The following PARN variants were observed in gnomAD, a reference collection of about 807,000 sequenced individuals.
PARN encodes the protein poly(A)-specific ribonuclease.
PARN carries 71 observed loss-of-function variants against 102.8 expected under a neutral mutation model. That is an observed-to-expected ratio of 0.69 (90% CI 0.57 to 0.84). PARN has a LOEUF of 0.84. PARN is among the 40% of genes least tolerant of loss of function. The probability of loss-of-function intolerance (pLI) is 0.00; values close to 1 mark genes in which losing one functional copy is unlikely to be tolerated. For synonymous variants in PARN, 261 were observed against 252.9 expected, an observed-to-expected ratio of 1.03 and a Z score of -0.30; for missense variants, 782 against 760.9, an observed-to-expected ratio of 1.03 and a Z score of -0.33.
At chr16:14,542,315 T>C (rs921291304) in intron 21 of PARN, among the ~76,000 whole-genome samples, 10 of 151,800 alleles carry the variant, frequency 6.6e-5, no homozygotes, top group South Asian at 2.1e-4. Flanking sequence ...CTTTTTTTTT[T>C]TTCTTCTTTT....
At chr16:14,543,901 A>G (rs1966856435) in intron 21 of PARN, among the ~76,000 whole-genome samples, 2 of 152,218 alleles carry the variant, frequency 1.3e-5, no homozygotes, top group Admixed American at 6.5e-5. Flanking sequence ...AAGAAATAAA[A>G]AAGCAAAACC....
At chr16:14,552,198 A>T in intron 20 of PARN, 103 bp from the exon 21 acceptor site, 1 of 711,104 alleles carries the variant, frequency 1.4e-6, no homozygotes, top group Admixed American at 2.4e-5. Context: ...ATCTTTAAAG[A>T]GAGAGAAGGT....
intron 22 of PARN, among the ~76,000 whole-genome samples, chr16:14,466,084 A>C (rs541454792): frequency 6.6e-6 from 1 of 152,344 alleles, no homozygotes; most frequent in East Asian, 1.9e-4. Flanking sequence ...TCTGTACAAC[A>C]AACTTCTGTG....
chr16:14,547,953 C>A (rs1351664610), intron 21 of PARN, among the ~76,000 whole-genome samples: 1 of 151,850 alleles, frequency 6.6e-6, no homozygotes, highest in Non-Finnish European at 1.5e-5. Flanking sequence ...TTTAAGATAA[C>A]ATTAATAGGG....
chr16:14,615,477 T>C (rs992531632), intron 6 of PARN, among the ~76,000 whole-genome samples: 13 of 152,142 alleles, frequency 8.5e-5, no homozygotes, highest in Admixed American at 6.6e-4. Context: ...TTCTTTATAA[T>C]ACCCAAACTG....
At chr16:14,561,338 G>T (rs1305156202) in intron 18 of PARN, among the ~76,000 whole-genome samples, 4 of 152,102 alleles carry the variant, frequency 2.6e-5, no homozygotes, top group African/African-American at 9.7e-5. Flanking sequence ...ACTTGTTAGA[G>T]ATGCAAATTC....
At chr16:14,512,057 T>C (rs1475063004) in intron 21 of PARN, among the ~76,000 whole-genome samples, 1 of 152,182 alleles carries the variant, frequency 6.6e-6, no homozygotes, top group Non-Finnish European at 1.5e-5. Context: ...AATAAAGTGA[T>C]TTTTTTCCTT....
In PARN at chr16:14,436,499, C is replaced by A. The variant is rs1432667774; in HGVS notation, c.*218G>T. ...GTACACATTCATGACAGCCTACAAC[C>A]GTGATGAGTGTCAATGTCAACAGGC... On this transcript the variant is annotated 3_prime_UTR_variant, in exon 24 of 24. Transcript: ENST00000437198. 3.4e-6 allele frequency: 2 copies of A among 594,812 alleles called. No individual in the cohort carries two copies. The highest frequency in any genetic ancestry group is 1.9e-5 in the African/African-American group (1 of 53,726). The allele number at this position is 594,812 out of a possible 1,614,324, so 36.8% of individuals were successfully genotyped here.
chr16:14,463,838 T>TGG (rs145797278), intron 22 of PARN, among the ~76,000 whole-genome samples: 158 of 95,046 alleles, frequency 1.7e-3, no homozygotes, highest in Non-Finnish European at 2.8e-3. Flanking sequence ...CTTTTTTTTT[T>TGG]GGGGGGGGGG....
At chr16:14,516,306 A>C (rs1198560613) in intron 21 of PARN, among the ~76,000 whole-genome samples, 1 of 152,196 alleles carries the variant, frequency 6.6e-6, no homozygotes, top group Non-Finnish European at 1.5e-5. Context: ...AAGCAAGGGA[A>C]CAGAACAACG....
chr16:14,621,594 G>A (rs1032451522), intron 5 of PARN, among the ~76,000 whole-genome samples: 9 of 151,652 alleles, frequency 5.9e-5, no homozygotes, highest in African/African-American at 2.2e-4. Context: ...GGCAGATCAC[G>A]AGGTCAAGAG....
chr16:14,511,295 C>T (rs1368817171), intron 21 of PARN, among the ~76,000 whole-genome samples: 7 of 152,130 alleles, frequency 4.6e-5, no homozygotes, highest in Non-Finnish European at 7.3e-5. Flanking sequence ...TTGGCTTGTT[C>T]GATGAACACA....
intron 6 of PARN, among the ~76,000 whole-genome samples, chr16:14,612,209 C>G (rs1014293818): frequency 1.3e-5 from 2 of 152,082 alleles, no homozygotes; most frequent in African/African-American, 4.8e-5. Flanking sequence ...GAGGCCGAGG[C>G]GGGCGGATCA....
Position 14,482,753 on chromosome 16 carries a change from C to T in PARN, c.1555G>A (p.Glu519Lys). 2 of 1,613,910 alleles carry T rather than the reference C, an allele frequency of 1.2e-6. No homozygotes were observed. Among genetic ancestry groups the T allele is most frequent in the South Asian group, 2.2e-5 (2 of 91,082 alleles). ...YAEYMGRKQE[E>K]KQIKRKWTED... The stretch of plus-strand genomic sequence containing the variant: ...GTCCACTTTCTTTTGATCTGCTTCT[C>T]TTCCTGTTTTCTCCCCATATATTCA... The change falls in exon 22 of 24, where the codon GAG (glutamate) becomes AAG (lysine). Residue 519 changes from glutamate to lysine, a missense_variant. By Grantham distance (56) the Glu-to-Lys change is moderately conservative. Coordinates refer to ENST00000437198, the MANE Select transcript of PARN (RefSeq NM_002582.4).
rs745949104 is a variant in PARN at position 14,609,043 on chromosome 16, T to A, written c.620+15A>T. On this transcript the variant is annotated intron_variant, in intron 8 of 23. Coordinates refer to ENST00000437198, the MANE Select transcript of PARN (RefSeq NM_002582.4). ...TCCAAAAAAAGGACATGCAGAAATGTTCAGGACAACTAACCCGGTACATGG... is the reference window on the plus strand; with the variant it reads ...TCCAAAAAAAGGACATGCAGAAATGATCAGGACAACTAACCCGGTACATGG... 1 of 1,505,572 alleles carries A rather than the reference T, an allele frequency of 6.6e-7. No homozygotes were observed. Among genetic ancestry groups the A allele is most frequent in the Non-Finnish European group, 9.2e-7 (1 of 1,089,536 alleles). 93.3% of individuals were successfully genotyped at this position (1,505,572 alleles called of 1,614,324 possible).
intron 21 of PARN, among the ~76,000 whole-genome samples, chr16:14,485,607 C>T (rs1438377543): frequency 6.6e-6 from 1 of 152,020 alleles, no homozygotes; most frequent in African/African-American, 2.4e-5. Context: ...TTATTCTGTA[C>T]CAATTGTTAA....
intron 18 of PARN, among the ~76,000 whole-genome samples, chr16:14,568,987 G>A (rs1968612895): frequency 2.6e-5 from 4 of 152,124 alleles, no homozygotes; most frequent in South Asian, 4.2e-4. Flanking sequence ...TGAGGTGGGC[G>A]GATCACTTGA....
intron 21 of PARN, among the ~76,000 whole-genome samples, chr16:14,533,633 C>A (rs575135132): frequency 6.6e-6 from 1 of 152,196 alleles, no homozygotes; most frequent in Non-Finnish European, 1.5e-5. Flanking sequence ...CAATCCACCA[C>A]AGGTTTCTCA....
chr16:14,616,151 C>T (rs1392553561), intron 6 of PARN, among the ~76,000 whole-genome samples: 1 of 152,078 alleles, frequency 6.6e-6, no homozygotes, highest in Admixed American at 6.6e-5. Flanking sequence ...AATACCACTG[C>T]AAAAAGCACA....
Sources: gnomAD v4.1 joint callset for allele counts (sites outside exome capture counted in the v4.1 genomes callset) on GRCh38, gnomAD v4.1.1 for gene constraint, MANE v1.5 for transcripts, NCBI Gene and HGNC (gene_info 2026-07-23, HGNC 2026-07-21) for gene names.